MMP26: variants seen among roughly 807,000 people sequenced by gnomAD.
MMP26 encodes matrix metallopeptidase 26.
Under a neutral mutation model 31.0 loss-of-function variants are expected in MMP26, and 33 were observed. The ratio of observed to expected loss-of-function variants is 1.06; its 90% CI spans 0.81 to 1.42. MMP26 has a LOEUF of 1.42. Ranked by LOEUF, MMP26 falls within the 40% of genes most tolerant of loss-of-function variation. The probability of loss-of-function intolerance (pLI) is 0.00; values close to 1 mark genes in which losing one functional copy is unlikely to be tolerated. For missense variants in MMP26, 347 were observed against 316.1 expected (o/e 1.10, Z -0.74); for synonymous variants, 122 against 114.9 (o/e 1.06, Z -0.40).
At chr11:4,768,922 C>G in intron 2 of MMP26, 1 of 1,233,078 alleles carries the variant, frequency 8.1e-7, no homozygotes, top group East Asian at 2.4e-5. Flanking sequence ...AGCAAGTTCG[C>G]TTTTCTACAG....
intron 2 of MMP26, among the ~76,000 whole-genome samples, chr11:4,904,140 A>C (rs1355754818): frequency 6.6e-6 from 1 of 152,100 alleles, no homozygotes; most frequent in Admixed American, 6.6e-5. Flanking sequence ...GTAGTTATTC[A>C]TCTCTGCTAT....
intron 2 of MMP26, among the ~76,000 whole-genome samples, chr11:4,964,980 T>C (rs1197270896): frequency 6.6e-6 from 1 of 152,144 alleles, no homozygotes; most frequent in African/African-American, 2.4e-5. Flanking sequence ...TTGGGCTTAA[T>C]ACTTAGGTGA....
intron 1 of MMP26, among the ~76,000 whole-genome samples, chr11:4,744,195 C>T (rs993932726): frequency 3.9e-5 from 6 of 152,022 alleles, no homozygotes; most frequent in Non-Finnish European, 8.8e-5. Flanking sequence ...TCACACTGAC[C>T]GTATTTCCTT....
rs2133481911 is a variant in MMP26 at position 4,832,587 on chromosome 11, T to C, written c.-145+65246T>C. The C allele has an allele frequency of 1.3e-5, 2 of 154,218 alleles. 1 individual carries two copies. Among genetic ancestry groups the C allele is most frequent in the Non-Finnish European group, 2.9e-5 (2 of 69,138 alleles). 9.6% of individuals were successfully genotyped at this position (154,218 alleles called of 1,614,324 possible). ...TTGCAAATTGGACTGGCTTTTGCCATTAAAAGCATTCTCCTAGTGCTACCC... is the reference window on the plus strand; with the variant it reads ...TTGCAAATTGGACTGGCTTTTGCCACTAAAAGCATTCTCCTAGTGCTACCC... On this transcript the variant is annotated intron_variant, in intron 2 of 7. Coordinates refer to ENST00000380390, the MANE Select transcript of MMP26 (RefSeq NM_021801.5).
At chr11:4,913,018 T>G (rs1400755226) in intron 2 of MMP26, 2 of 152,168 alleles carry the variant, frequency 1.3e-5, no homozygotes, top group Non-Finnish European at 2.9e-5. Context: ...TGGAAAATGT[T>G]GTAGTCCTCT....
At chr11:4,738,120 T>C (rs761623264) in intron 1 of MMP26, among the ~76,000 whole-genome samples, 2 of 152,162 alleles carry the variant, frequency 1.3e-5, no homozygotes, top group Non-Finnish European at 2.9e-5. Flanking sequence ...AGAATTCCAC[T>C]GATGGCCCAC....
In MMP26 at chr11:4,799,368, A is replaced by AG. The variant is rs35220086; in HGVS notation, c.-145+32035dup. 1.3e-3 allele frequency among the ~76,000 whole-genome samples: 199 copies of AG among 151,600 alleles called. 1 individual carries two copies. The highest frequency in any genetic ancestry group is 2.7e-3 in the East Asian group (14 of 5,138). ...GGTAAGAATGGGAGCAGGAGAGAGA[A>AG]GGGGGGGGTCTCAGGCTCTATTAAA... On this transcript the variant is annotated intron_variant, in intron 2 of 7. Coordinates refer to ENST00000380390, the MANE Select transcript of MMP26 (RefSeq NM_021801.5).
At chr11:4,978,867 AG>A (rs1846775383) in intron 2 of MMP26, among the ~76,000 whole-genome samples, 1 of 152,092 alleles carries the variant, frequency 6.6e-6, no homozygotes, top group Non-Finnish European at 1.5e-5. Context: ...ACAGATGGTG[AG>A]GTGTTGGGTC....
At chr11:4,706,041 C>G (rs936588146) in intron 1 of MMP26, among the ~76,000 whole-genome samples, 2 of 151,964 alleles carry the variant, frequency 1.3e-5, no homozygotes, top group African/African-American at 2.4e-5. Flanking sequence ...CCCTCTGTTA[C>G]AAGAATCCTA....
chr11:4,990,824 C>A (rs1846988789), intron 5 of MMP26, 78 bp downstream of exon 5: 2 of 1,414,422 alleles, frequency 1.4e-6, no homozygotes, highest in Middle Eastern at 1.9e-4. Flanking sequence ...TAAACAAAAA[C>A]CTAGCCCCCC....
rs988695020 is a variant in MMP26, at chr11:4,796,838, C to T, written c.-145+29497C>T. Among the ~76,000 whole-genome samples the T allele has an allele frequency of 7.9e-5, 12 of 152,096 alleles. No homozygotes were observed. The East Asian group carries it at 1.9e-3, about 24-fold the overall frequency. On this transcript the variant is annotated intron_variant, in intron 2 of 7. Coordinates refer to ENST00000380390, the MANE Select transcript of MMP26 (RefSeq NM_021801.5). ...CAATCTCAGCCCTAATGTCCAGGAA[C>T]CTTGGGAAAAGGATAATACCTCAGG... is the stretch of plus-strand genomic sequence containing the variant.
At chr11:4,936,858 T>C (rs1846120473) in intron 2 of MMP26, among the ~76,000 whole-genome samples, 1 of 152,176 alleles carries the variant, frequency 6.6e-6, no homozygotes, top group African/African-American at 2.4e-5. Context: ...CTTTTGCAGT[T>C]TGAATTTACA....
At chr11:4,843,407 T>C (rs1849822928) in intron 2 of MMP26, among the ~76,000 whole-genome samples, 1 of 152,214 alleles carries the variant, frequency 6.6e-6, no homozygotes, top group Non-Finnish European at 1.5e-5. Flanking sequence ...CTCCCAAACC[T>C]AAACTCTTGC....
At chr11:4,863,966 A>C (rs1340488958) in intron 2 of MMP26, among the ~76,000 whole-genome samples, 1 of 152,158 alleles carries the variant, frequency 6.6e-6, no homozygotes, top group Admixed American at 6.5e-5. Flanking sequence ...GTATGCACGC[A>C]CACACACTAA....
chr11:4,958,705 G>A (rs1237194812), intron 2 of MMP26, among the ~76,000 whole-genome samples: 1 of 152,052 alleles, frequency 6.6e-6, no homozygotes, highest in Non-Finnish European at 1.5e-5. Flanking sequence ...TATGCCTGCT[G>A]TGTTTCTGAG....
chr11:4,727,520 A>T (rs1848116980), intron 1 of MMP26, among the ~76,000 whole-genome samples: 2 of 152,308 alleles, frequency 1.3e-5, no homozygotes, highest in Admixed American at 6.5e-5. Context: ...TAATAAAAAA[A>T]AATACTTGGC....
At chr11:4,758,916 A>T (rs573308428) in intron 1 of MMP26, among the ~76,000 whole-genome samples, 9 of 152,120 alleles carry the variant, frequency 5.9e-5, no homozygotes, top group African/African-American at 2.2e-4. Flanking sequence ...GTTCGAGACC[A>T]GCCTGACCAA....
intron 2 of MMP26, among the ~76,000 whole-genome samples, chr11:4,864,040 T>G (rs1487803139): frequency 2.0e-5 from 3 of 152,152 alleles, no homozygotes. Context: ...TTCAGTTCAG[T>G]GACTCCAAAG....
intron 2 of MMP26, chr11:4,890,526 T>G (rs181408915): frequency 1.3e-5 from 2 of 152,926 alleles, no homozygotes; most frequent in African/African-American, 4.8e-5. Context: ...TATATGGGCA[T>G]GCTCCAGCCC....
Sources: gnomAD v4.1 joint callset for allele counts (sites outside exome capture counted in the v4.1 genomes callset) on GRCh38, gnomAD v4.1.1 for gene constraint, MANE v1.5 for transcripts, NCBI Gene and HGNC (gene_info 2026-07-23, HGNC 2026-07-21) for gene names.